ADCY7: variants seen among roughly 807,000 people sequenced by gnomAD.
The protein encoded by ADCY7 is adenylate cyclase type 7.
In ADCY7, 72 loss-of-function variants were observed where a neutral mutation model predicts 120.6. The ratio of observed to expected loss-of-function variants is 0.60; its 90% confidence interval spans 0.49 to 0.73. ADCY7 has a LOEUF of 0.73. ADCY7 is among the 30% of genes least tolerant of loss of function. ADCY7 has a pLI of 0.00. For synonymous variants in ADCY7, 661 were observed against 628.0 expected, an observed-to-expected ratio of 1.05 and a Z score of -0.78; for missense variants, 1,227 against 1,486.0, an observed-to-expected ratio of 0.83 and a Z score of 2.87.
At chr16:50,246,278 GC>G (rs1203203619) in intron 1 of ADCY7, 1 of 151,058 alleles carries the variant, frequency 6.6e-6, no homozygotes, top group Admixed American at 6.6e-5. Context: ...CGTGGCCGCT[GC>G]CCCTCTCCGC....
At chr16:50,278,357 A>G (rs1188275442) in intron 1 of ADCY7, among the ~76,000 whole-genome samples, 1 of 152,172 alleles carries the variant, frequency 6.6e-6, no homozygotes, top group Non-Finnish European at 1.5e-5. Flanking sequence ...AATGTTTAAC[A>G]GTCATTTAGA....
intron 3 of ADCY7, among the ~76,000 whole-genome samples, chr16:50,291,442 C>T (rs1303551937): frequency 1.3e-5 from 2 of 152,090 alleles, no homozygotes; most frequent in Admixed American, 6.5e-5. Context: ...GCGAGAACCA[C>T]GTGGCAGGGG....
intron 15 of ADCY7, among the ~76,000 whole-genome samples, chr16:50,307,856 C>T (rs1469630205): frequency 6.6e-5 from 10 of 152,112 alleles, no homozygotes; most frequent in South Asian, 2.1e-4. Flanking sequence ...ATTAGCTGGG[C>T]GTGGTGGCTG....
chr16:50,294,615 CCCT>C, intron 6 of ADCY7, 22 bp from the exon 7 acceptor site: 68 of 1,083,508 alleles, frequency 6.3e-5, no homozygotes, highest in Non-Finnish European at 8.9e-5. Flanking sequence ...CTCTGACACT[CCCT>C]CCCACCCTGC....
Position 50,287,907 on chromosome 16 carries a change from C to G in ADCY7, c.-268-5C>G. 1 of 397,438 alleles carries G rather than the reference C, an allele frequency of 2.5e-6. No individual in the cohort carries two copies. Among genetic ancestry groups the G allele is most frequent in the Non-Finnish European group, 4.5e-6 (1 of 223,050 alleles). 24.6% of individuals were successfully genotyped at this position (397,438 alleles called of 1,614,324 possible). ...GTCAAGTTCCTGTCTGCTTCGTCTC[C>G]GCAGAGCTGAGGAACTGCGTGTGGA... On this transcript the variant is annotated splice_polypyrimidine_tract_variant and splice_region_variant and intron_variant, in intron 1 of 25. Coordinates refer to ENST00000673801, the MANE Select transcript of ADCY7 (RefSeq NM_001114.5).
intron 7 of ADCY7, among the ~76,000 whole-genome samples, chr16:50,296,611 C>T (rs1343948334): frequency 6.6e-6 from 1 of 152,086 alleles, no homozygotes; most frequent in East Asian, 1.9e-4. Flanking sequence ...CTGCCTCGAC[C>T]TCTCAAAGTG....
rs567283828 is a variant in ADCY7, at chr16:50,247,615, A to G, written c.-64+1412A>G. On this transcript the variant is annotated intron_variant, in intron 1 of 4. Coordinates refer to the ADCY7 transcript ENST00000564044. ...GGCTAGTCTTGAACTCCCGGGCTCA[A>G]GTGATCCTCCTGCGTCAGCCTCCCA... Among the ~76,000 whole-genome samples the G allele has an allele frequency of 5.4e-5, 8 of 147,494 alleles. No homozygotes were observed. In the South Asian group the frequency reaches 8.5e-4, roughly 16 times the overall value.
intron 1 of ADCY7, among the ~76,000 whole-genome samples, chr16:50,252,584 G>T (rs1014312603): frequency 6.6e-6 from 1 of 152,306 alleles, no homozygotes; most frequent in East Asian, 1.9e-4. Flanking sequence ...GCTCAGTGAC[G>T]ATGGCAGGAG....
intron 7 of ADCY7, among the ~76,000 whole-genome samples, chr16:50,296,663 G>T (rs2035375348): frequency 6.6e-6 from 1 of 152,070 alleles, no homozygotes; most frequent in Non-Finnish European, 1.5e-5. Context: ...GCCAGAATTT[G>T]TAAGAGCCCC....
chr16:50,300,159 C>T (rs1169789804), intron 8 of ADCY7, among the ~76,000 whole-genome samples: 1 of 152,154 alleles, frequency 6.6e-6, no homozygotes, highest in Non-Finnish European at 1.5e-5. Flanking sequence ...CAACCTCTGC[C>T]TCCTGGGTTC....
intron 1 of ADCY7, among the ~76,000 whole-genome samples, chr16:50,248,544 G>C (rs967300769): frequency 6.6e-5 from 10 of 152,234 alleles, no homozygotes; most frequent in African/African-American, 2.4e-4. Context: ...GTAGGCAGGG[G>C]CCGTTACTTT....
chr16:50,276,060 G>C (rs1221167876), intron 1 of ADCY7, among the ~76,000 whole-genome samples: 1 of 152,228 alleles, frequency 6.6e-6, no homozygotes, highest in Non-Finnish European at 1.5e-5. Context: ...AGCCTGGAAG[G>C]CTTGGGCCGA....
chr16:50,265,013 T>C (rs2033160708), upstream of ADCY7, among the ~76,000 whole-genome samples: 1 of 152,088 alleles, frequency 6.6e-6, no homozygotes, highest in Non-Finnish European at 1.5e-5. Context: ...ATTTTTGTGC[T>C]TTTAGTAGAA....
rs2034875127 is a variant in ADCY7, at chr16:50,290,467, G to A, written c.182G>A (p.Arg61Lys). 3 of 1,614,066 alleles carry A rather than the reference G, an allele frequency of 1.9e-6. No homozygotes were observed. The highest frequency in any genetic ancestry group is 2.5e-6 in the Non-Finnish European group (3 of 1,180,048). ...IIAFSQGDPS[R>K]HQAILGMAFL... ...GTTTGCTCCACCCAGGACCCCTCCA[G>A]ACACCAGGCCATTCTGGGCATGGCG... Residue 61 changes from arginine (R) to lysine (K), a missense_variant, in exon 3 of 26, where the codon AGA becomes AAA. Coordinates refer to ENST00000673801, the MANE Select transcript of ADCY7 (RefSeq NM_001114.5).
chr16:50,246,207 A>G (rs1158206758), intron 1 of ADCY7: 3 of 149,018 alleles, frequency 2.0e-5, no homozygotes, highest in Non-Finnish European at 3.0e-5. Flanking sequence ...GCAGCAGGTG[A>G]GCGCGGGGCG....
At chr16:50,295,345 ATTTT>A (rs67137852) in intron 7 of ADCY7, among the ~76,000 whole-genome samples, 49 of 82,740 alleles carry the variant, frequency 5.9e-4, no homozygotes, top group African/African-American at 1.1e-3. Context: ...CGCCTGGCTA[ATTTT>A]TTTTTTTTTT....
At chr16:50,290,750 C>A in intron 3 of ADCY7, 90 bp downstream of exon 3, 1 of 1,402,106 alleles carries the variant, frequency 7.1e-7, no homozygotes, top group East Asian at 2.4e-5. Flanking sequence ...CTTCGTGCCC[C>A]ACGCTTGGCT....
In ADCY7 at chr16:50,314,364, G is replaced by A. The variant is rs139814392; in HGVS notation, c.2929G>A (p.Gly977Ser). 71 of 1,613,994 alleles carry A rather than the reference G, an allele frequency of 4.4e-5. No individual in the cohort carries two copies. The highest frequency in any genetic ancestry group is 1.6e-4 in the Middle Eastern group (1 of 6,076). Reference sequence around the variant, plus strand: ...CATCGCCCTGATGAGTAAGCTGGACGGCATCAACAGGCACTCCTTCAACTC... The same window carrying A: ...CATCGCCCTGATGAGTAAGCTGGACAGCATCAACAGGCACTCCTTCAACTC... ...FSIALMSKLD[G>S]INRHSFNSFR... The change falls in exon 24 of 26, where the codon GGC becomes AGC. Residue 977 changes from glycine to serine, a missense_variant. This residue lies in a region of ADCY7 where 244 missense variants were observed against 332.8 expected (regional missense o/e 0.73). Coordinates refer to ENST00000673801, the MANE Select transcript of ADCY7 (RefSeq NM_001114.5).
chr16:50,258,812 C>T (rs2032986101), intron 1 of ADCY7, among the ~76,000 whole-genome samples: 1 of 152,002 alleles, frequency 6.6e-6, no homozygotes, highest in East Asian at 1.9e-4. Context: ...GTCTTGAACT[C>T]CTGGGCTCAA....
Sources: allele counts gnomAD v4.1 joint callset (sites outside exome capture counted in the v4.1 genomes callset), GRCh38; gene constraint gnomAD v4.1.1; regional missense constraint gnomAD v4.1.1; transcripts MANE v1.5; gene names NCBI Gene and HGNC (gene_info 2026-07-23, HGNC 2026-07-21).